The following NTM variants were observed in gnomAD, a reference collection of about 807,000 sequenced individuals.
NTM encodes neurotrimin, also known as IgLON family member 2.
In NTM, 13 loss-of-function variants were observed where a neutral mutation model predicts 42.1. The ratio of observed to expected loss-of-function variants is 0.31; its 90% CI spans 0.20 to 0.49. The LOEUF is 0.49. NTM is among the 20% of genes least tolerant of loss of function. The pLI is 0.99. For missense variants in NTM, 373 were observed against 452.8 expected, an observed-to-expected ratio of 0.82 and a Z score of 1.60; for synonymous variants, 187 against 179.2, an observed-to-expected ratio of 1.04 and a Z score of -0.35.
chr11:132,010,220 A>T (rs375036755), intron 2 of NTM, among the ~76,000 whole-genome samples: 23 of 152,220 alleles, frequency 1.5e-4, no homozygotes, highest in Non-Finnish European at 2.4e-4. Flanking sequence ...TCTCCCTCCT[A>T]TAAAACATAC....
chr11:131,633,643 C>T (rs1203381358), intron 1 of NTM, among the ~76,000 whole-genome samples: 1 of 142,188 alleles, frequency 7.0e-6, no homozygotes, highest in Non-Finnish European at 1.5e-5. Context: ...CTGCCTCTCT[C>T]TCCCTCTCTC....
intron 2 of NTM, among the ~76,000 whole-genome samples, chr11:132,128,387 A>T (rs2066215149): frequency 6.6e-6 from 1 of 152,088 alleles, no homozygotes; most frequent in East Asian, 1.9e-4. Flanking sequence ...AGTCCTGTTT[A>T]CTCTCTCAGC....
At chr11:132,306,853 T>C (rs2095103511) in intron 4 of NTM, among the ~76,000 whole-genome samples, 1 of 152,192 alleles carries the variant, frequency 6.6e-6, no homozygotes, top group African/African-American at 2.4e-5. Context: ...TGAAATCTCC[T>C]CTAGCCTTAA....
At chr11:131,946,074 AG>A (rs752893736) in intron 2 of NTM, among the ~76,000 whole-genome samples, 1 of 152,218 alleles carries the variant, frequency 6.6e-6, no homozygotes, top group South Asian at 2.1e-4. Flanking sequence ...GATTCAGTCC[AG>A]AAGGAGAATG....
chr11:131,579,943 C>T (rs773617479), intron 1 of NTM, among the ~76,000 whole-genome samples: 4 of 152,186 alleles, frequency 2.6e-5, no homozygotes, highest in South Asian at 2.1e-4. Context: ...AATGGCTGCC[C>T]TGAGCAACAT....
Position 131,729,672 on chromosome 11 carries a change from T to C in NTM, c.83-181892T>C, listed in dbSNP as rs577118185. 7.2e-5 allele frequency among the ~76,000 whole-genome samples: 11 copies of C among 152,354 alleles called. No individual in the cohort carries two copies. In the East Asian group the frequency reaches 2.1e-3, roughly 29 times the overall value. On this transcript the variant is annotated intron_variant, in intron 1 of 8. Coordinates refer to ENST00000683400, the MANE Select transcript of NTM (RefSeq NM_001352005.2). ...GTCTATTCTGTATATTTCACAAATA[T>C]GAAATTAATCAATATGTGGCCTTTT...
chr11:132,029,067 TTTTTTTGTTTTG>T (rs1180789196), intron 2 of NTM, among the ~76,000 whole-genome samples: 1 of 151,868 alleles, frequency 6.6e-6, no homozygotes, highest in African/African-American at 2.4e-5. Flanking sequence ...TGTGGGTTTT[TTTTTTTGTTTTG>T]TTTTGTTTTT....
intron 7 of NTM, among the ~76,000 whole-genome samples, chr11:132,317,283 T>TGAAACGATGGG (rs1279408154): frequency 6.6e-6 from 1 of 151,974 alleles, no homozygotes; most frequent in African/African-American, 2.4e-5. Flanking sequence ...TGTCCTAAGA[T>TGAAACGATGGG]GAAACGATGG....
chr11:131,968,780 A>AT lies in NTM; in HGVS notation c.167+57135dup, dbSNP rs144531887. Among the ~76,000 whole-genome samples the AT allele has an allele frequency of 5.4e-3, 822 of 152,248 alleles. 5 individuals carry two copies. The highest frequency in any genetic ancestry group is 0.019 in the African/African-American group (788 of 41,544). On this transcript the variant is annotated intron_variant, in intron 2 of 8. Coordinates refer to ENST00000683400, the MANE Select transcript of NTM (RefSeq NM_001352005.2). ...TCACACATATCCTCCCCCGAAATGC[A>AT]TTTCGTATAGAGCTTTTAGGCAACT... is the stretch of plus-strand genomic sequence containing the variant.
chr11:132,104,480 A>G (rs1011095358), intron 2 of NTM, among the ~76,000 whole-genome samples: 1 of 151,978 alleles, frequency 6.6e-6, no homozygotes, highest in Non-Finnish European at 1.5e-5. Flanking sequence ...AGCCAGGTGC[A>G]GTGACTCACA....
chr11:132,334,319 TGTCC>T (rs1164856311), intron 8 of NTM, among the ~76,000 whole-genome samples: 3 of 152,232 alleles, frequency 2.0e-5, no homozygotes, highest in Admixed American at 6.5e-5. Flanking sequence ...TGCATCCCAG[TGTCC>T]TCATTGATCT....
chr11:132,207,464 T>C (rs767190389), intron 3 of NTM, among the ~76,000 whole-genome samples: 1 of 152,112 alleles, frequency 6.6e-6, no homozygotes, highest in Non-Finnish European at 1.5e-5. Context: ...TTATGGTGAG[T>C]TGTATAATTA....
rs150587192 is a variant in NTM at position 131,902,653 on chromosome 11, T to C, written c.83-8911T>C. Among the ~76,000 whole-genome samples, 640 of 152,320 alleles carry C rather than the reference T, an allele frequency of 4.2e-3. 3 individuals carry two copies. Among genetic ancestry groups the C allele is most frequent in the African/African-American group, 0.015 (615 of 41,568 alleles). On this transcript the variant is annotated intron_variant, in intron 1 of 8. Transcript: ENST00000683400. ...CTGATCTGATGAAACTGGTATGGTG[T>C]GTCTGTATATGTTTGGTGTGGAAAT...
At chr11:132,161,476 T>C (rs1329324312) in intron 3 of NTM, among the ~76,000 whole-genome samples, 1 of 150,814 alleles carries the variant, frequency 6.6e-6, no homozygotes, top group East Asian at 2.0e-4. Context: ...CATGGTGTCC[T>C]ATTTCACTCT....
chr11:131,396,730 A>G (rs888826151), intron 1 of NTM, among the ~76,000 whole-genome samples: 2 of 151,954 alleles, frequency 1.3e-5, no homozygotes, highest in Non-Finnish European at 2.9e-5. Flanking sequence ...GCTACTCGAG[A>G]GGCTGAGGCA....
chr11:131,538,268 C>A (rs943255618), intron 1 of NTM: 2 of 152,204 alleles, frequency 1.3e-5, no homozygotes, highest in African/African-American at 4.8e-5. Context: ...GAAATCTAAA[C>A]AATAGTGCCT....
At chr11:132,104,107 C>T (rs1417682293) in intron 2 of NTM, among the ~76,000 whole-genome samples, 1 of 152,156 alleles carries the variant, frequency 6.6e-6, no homozygotes, top group Non-Finnish European at 1.5e-5. Context: ...CCCAGTTGTG[C>T]AAGGCACAAC....
At chr11:132,275,716 ATATATATACG>A (rs1481524989) in intron 4 of NTM, among the ~76,000 whole-genome samples, 520 of 119,598 alleles carry the variant, frequency 4.3e-3, no homozygotes, top group Admixed American at 8.5e-3. Context: ...ATATATATGT[ATATATATACG>A]TATATATACG....
chr11:131,379,867 C>T (rs898819535), intron 1 of NTM, among the ~76,000 whole-genome samples: 6 of 152,190 alleles, frequency 3.9e-5, no homozygotes, highest in Non-Finnish European at 8.8e-5. Context: ...TCTGCTTCCT[C>T]TGCATCCTTC....
Sources: allele counts gnomAD v4.1 joint callset (sites outside exome capture counted in the v4.1 genomes callset), GRCh38; gene constraint gnomAD v4.1.1; transcripts MANE v1.5; gene names NCBI Gene and HGNC (gene_info 2026-07-23, HGNC 2026-07-21).